PEG3: variants seen among roughly 807,000 people sequenced by gnomAD.
PEG3 encodes the protein paternally-expressed gene 3 protein.
In PEG3, 23 loss-of-function variants were observed where a neutral mutation model predicts 35.5. The ratio of observed to expected loss-of-function variants is 0.65; its 90% CI spans 0.47 to 0.92. The LOEUF is 0.92. Ranked by LOEUF, PEG3 falls within the 40% of genes least tolerant of loss-of-function variation. The pLI is 0.00. For missense variants in PEG3, 1,960 were observed against 1,985.3 expected (o/e 0.99, Z 0.24); for synonymous variants, 707 against 697.0 (o/e 1.01, Z -0.23).
intron 8 of PEG3, 100 bp downstream of exon 8, chr19:56,818,500 A>C: frequency 8.0e-7 from 1 of 1,247,734 alleles, no homozygotes; most frequent in South Asian, 1.4e-5. Flanking sequence ...TGAAGTCCAA[A>C]TATATTAATG....
chr19:56,822,954 T>C, intron 5 of PEG3, 118 bp from the exon 6 acceptor site: 1 of 1,360,740 alleles, frequency 7.3e-7, no homozygotes, highest in Non-Finnish European at 1.0e-6. Context: ...AGGAGATGGA[T>C]CCAAAACAGA....
intron 2 of PEG3, chr19:56,833,745 T>A (rs970754375): frequency 1.3e-5 from 2 of 155,082 alleles, no homozygotes; most frequent in African/African-American, 4.8e-5. Context: ...CTCTAAGGTA[T>A]CCAGTCTGGT....
chr19:56,813,401 C>T lies in PEG3; in HGVS notation c.*274G>A, dbSNP rs1294824563. On this transcript the variant is annotated 3_prime_UTR_variant, in exon 10 of 10. Coordinates refer to ENST00000326441, the MANE Select transcript of PEG3 (RefSeq NM_006210.3). ...TGGGCAAACTCTGTAGTCTGGAATACTCATAGGGTTTTCTCAATCTGATTA... is the reference window on the plus strand; with the variant it reads ...TGGGCAAACTCTGTAGTCTGGAATATTCATAGGGTTTTCTCAATCTGATTA... 7 of 1,251,306 alleles carry T rather than the reference C, an allele frequency of 5.6e-6. No homozygotes were observed. In the Admixed American group the frequency reaches 2.2e-4, roughly 40 times the overall value. 77.5% of individuals were successfully genotyped at this position (1,251,306 alleles called of 1,614,324 possible). A position where few individuals can be genotyped will look rare whatever the true frequency, so the allele number is the denominator to read the frequency against.
chr19:56,810,434 A>G lies in PEG3; in HGVS notation c.*3241T>C, dbSNP rs2146062526. 1.0e-6 allele frequency: 1 copy of G among 983,948 alleles called. No homozygotes were observed. Among genetic ancestry groups the G allele is most frequent in the South Asian group, 4.7e-5 (1 of 21,262 alleles). The allele number at this position is 983,948 out of a possible 1,614,324, so 61.0% of individuals were successfully genotyped here. On this transcript the variant is annotated 3_prime_UTR_variant, in exon 10 of 10. Coordinates refer to ENST00000326441, the MANE Select transcript of PEG3 (RefSeq NM_006210.3). Reference sequence around the variant, plus strand: ...ATCTTTCTTCCCATCTTTGACATTTATGCATACTTATCACTAACACCCTAA... The same window carrying G: ...ATCTTTCTTCCCATCTTTGACATTTGTGCATACTTATCACTAACACCCTAA...
At position 56,812,631 on chromosome 19, in the gene PEG3, G is replaced by A; in HGVS notation, c.*1044C>T. The A allele has an allele frequency of 1.0e-6, 1 of 985,770 alleles. No individual in the cohort carries two copies. The allele number at this position is 985,770 out of a possible 1,614,324, so 61.1% of individuals were successfully genotyped here. A position where few individuals can be genotyped will look rare whatever the true frequency, so the allele number is the denominator to read the frequency against. On this transcript the variant is annotated 3_prime_UTR_variant, in exon 10 of 10. Transcript: ENST00000326441. ...GCAGGAAGCGCACAAAGGAAGTGATGAAAGGTTATTAGCCTGCAACATTAT... is the reference window on the plus strand; with the variant it reads ...GCAGGAAGCGCACAAAGGAAGTGATAAAAGGTTATTAGCCTGCAACATTAT...
chr19:56,837,281 G>A (rs2146675850), intron 1 of PEG3, among the ~76,000 whole-genome samples: 1 of 152,118 alleles, frequency 6.6e-6, no homozygotes, highest in Admixed American at 6.5e-5. Context: ...GCCCAGGGCA[G>A]CCTCCTAGTT....
chr19:56,817,913 C>T (rs2060128746), intron 8 of PEG3, 78 bp from the exon 9 acceptor site: 2 of 1,172,378 alleles, frequency 1.7e-6, no homozygotes, highest in Admixed American at 3.9e-5. Flanking sequence ...TGATCTTCAT[C>T]TTTCACTGAG....
At chr19:56,836,240 CCAT>C (rs1177868936) in intron 1 of PEG3, 136 bp from the exon 2 acceptor site, 4 of 360,718 alleles carry the variant, frequency 1.1e-5, no homozygotes, top group Non-Finnish European at 2.2e-5. Flanking sequence ...GAAAAGCATC[CCAT>C]CCAGGATGAA....
rs1600968101 is a variant in PEG3, at chr19:56,817,836, C to T, written c.773-1G>A. The T allele has an allele frequency of 1.9e-6, 3 of 1,613,494 alleles. No homozygotes were observed. Among genetic ancestry groups the T allele is most frequent in the Non-Finnish European group, 2.5e-6 (3 of 1,179,598 alleles). ...TGGCCATCGTCTTCAGCAAGCTGCACTCCTGGTCACAAGGACAATATGATG... is the reference window on the plus strand; with the variant it reads ...TGGCCATCGTCTTCAGCAAGCTGCATTCCTGGTCACAAGGACAATATGATG... On this transcript the variant is annotated splice_acceptor_variant, in intron 8 of 9. Coordinates refer to ENST00000326441, the MANE Select transcript of PEG3 (RefSeq NM_006210.3). LOFTEE classifies it high-confidence loss of function.
At chr19:56,832,508 T>C (rs1601220243) in intron 2 of PEG3, among the ~76,000 whole-genome samples, 1 of 152,340 alleles carries the variant, frequency 6.6e-6, no homozygotes, top group South Asian at 2.1e-4. Flanking sequence ...GGCTTGAAGG[T>C]GGGCTCCCAC....
intron 2 of PEG3, among the ~76,000 whole-genome samples, chr19:56,835,149 T>C (rs1329705892): frequency 6.6e-6 from 1 of 152,086 alleles, no homozygotes; most frequent in Non-Finnish European, 1.5e-5. Flanking sequence ...CAGGCCCAAG[T>C]TGGTCTCCCC....
At position 56,811,441 on chromosome 19, in the gene PEG3, A is replaced by G; in HGVS notation, c.*2234T>C. The G allele has an allele frequency of 5.3e-6, 5 of 934,660 alleles. No homozygotes were observed. Among genetic ancestry groups the G allele is most frequent in the Non-Finnish European group, 6.4e-6 (5 of 783,692 alleles). 57.9% of individuals were successfully genotyped at this position (934,660 alleles called of 1,614,324 possible). A position where few individuals can be genotyped will look rare whatever the true frequency, so the allele number is the denominator to read the frequency against. The stretch of plus-strand genomic sequence containing the variant: ...TGTAAATATATTTCCACGTTGCTAC[A>G]TAACTCGTGATTATCATTTTTAAAC... On this transcript the variant is annotated 3_prime_UTR_variant, in exon 10 of 10. Coordinates refer to ENST00000326441, the MANE Select transcript of PEG3 (RefSeq NM_006210.3).
intron 1 of PEG3, among the ~76,000 whole-genome samples, chr19:56,839,316 TAC>T (rs962810806): frequency 7.7e-5 from 10 of 129,706 alleles, no homozygotes; most frequent in East Asian, 7.3e-4. Context: ...TATCCAATGC[TAC>T]ACAGTCACTT....
chr19:56,820,094 T>C (rs2060336011), intron 7 of PEG3, among the ~76,000 whole-genome samples: 1 of 152,216 alleles, frequency 6.6e-6, no homozygotes, highest in African/African-American at 2.4e-5. Flanking sequence ...AGCCCTAAAT[T>C]GGTTGTTCGC....
Position 56,814,040 on chromosome 19 carries a change from G to T in PEG3, c.4402C>A (p.Pro1468Thr). 1 of 1,614,032 alleles carries T rather than the reference G, an allele frequency of 6.2e-7. No individual in the cohort carries two copies. The highest frequency in any genetic ancestry group is 2.2e-5 in the East Asian group (1 of 44,864). ...IEDPEERAEE[P>T]EGKAEEPEGD... Reference sequence around the variant, plus strand: ...TCTGGCTCTTCAGCTTTTCCCTCTGGCTCTTCAGCTCTTTCTTCTGGGTCT... The same window carrying T: ...TCTGGCTCTTCAGCTTTTCCCTCTGTCTCTTCAGCTCTTTCTTCTGGGTCT... Residue 1468 changes from proline to threonine, a missense_variant, in exon 10 of 10, where the codon CCA (proline) becomes ACA (threonine). Coordinates refer to ENST00000326441, the MANE Select transcript of PEG3 (RefSeq NM_006210.3). This position sits in a 1 kb window ranked among gnomAD's most constrained non-coding sequence, Gnocchi z 5.8.
Position 56,834,101 on chromosome 19 carries a change from C to T in PEG3, c.-163+1917G>A, listed in dbSNP as rs1279709007. 3.9e-5 allele frequency among the ~76,000 whole-genome samples: 6 copies of T among 152,168 alleles called. No homozygotes were observed. In the South Asian group the frequency reaches 1.0e-3, roughly 26 times the overall value. On this transcript the variant is annotated intron_variant, in intron 2 of 9. Transcript: ENST00000326441. ...AAGCTACTTTAAAGAGACAAAATGTCTTCCAGAACAGTATGAGTTATTTGA... is the reference window on the plus strand; with the variant it reads ...AAGCTACTTTAAAGAGACAAAATGTTTTCCAGAACAGTATGAGTTATTTGA...
Position 56,816,310 on chromosome 19 carries a change from T to C in PEG3, c.2132A>G (p.Asn711Ser). 6.2e-7 allele frequency: 1 copy of C among 1,614,070 alleles called. No homozygotes were observed. Among genetic ancestry groups the C allele is most frequent in the East Asian group, 2.2e-5 (1 of 44,874 alleles). The change falls in exon 10 of 10, where the codon AAC becomes AGC. Residue 711 changes from asparagine to serine, a missense_variant. Around this residue, in one of 5 missense-constraint regions of PEG3, gnomAD observed 798 missense variants for 782.4 expected, o/e 1.02. Transcript: ENST00000326441. ...SEHQKIHSRK[N>S]LFEGRGYEKS... ...CTCATACCCTCTGCCTTCAAAGAGG[T>C]TCTTTCGAGAATGAATTTTCTGATG... is the stretch of plus-strand genomic sequence containing the variant.
Position 56,814,697 on chromosome 19 carries a change from C to T in PEG3, c.3745G>A (p.Glu1249Lys). ...ALNEHMRLHR[E>K]DDLLEQSQMA... ...TGGCTCTGCTCCAGTAAATCATCTTCCCTATGAAGTCTCATATGCTCATTA... is the reference window on the plus strand; with the variant it reads ...TGGCTCTGCTCCAGTAAATCATCTTTCCTATGAAGTCTCATATGCTCATTA... Residue 1249 changes from glutamate (E) to lysine (K), a missense_variant, in exon 10 of 10, where the codon GAA (glutamate) becomes AAA (lysine). Around this residue, in one of 5 missense-constraint regions of PEG3, gnomAD observed 416 missense variants for 416.7 expected, o/e 1.00. Coordinates refer to ENST00000326441, the MANE Select transcript of PEG3 (RefSeq NM_006210.3). This position sits in a 1 kb window ranked among gnomAD's most constrained non-coding sequence, Gnocchi z 5.8. 14 of 1,614,014 alleles carry T rather than the reference C, an allele frequency of 8.7e-6. No individual in the cohort carries two copies. Among genetic ancestry groups the T allele is most frequent in the Non-Finnish European group, 1.1e-5 (13 of 1,179,972 alleles).
chr19:56,822,916 T>A, intron 5 of PEG3, 80 bp from the exon 6 acceptor site: 6 of 1,528,650 alleles, frequency 3.9e-6, no homozygotes, highest in Non-Finnish European at 5.3e-6. Flanking sequence ...AACACCCCTC[T>A]GGAAAGAGAT....
Sources: allele counts gnomAD v4.1 joint callset (sites outside exome capture counted in the v4.1 genomes callset), GRCh38; gene constraint gnomAD v4.1.1; regional missense constraint gnomAD v4.1.1; non-coding constraint Gnocchi (gnomAD v3.1); transcripts MANE v1.5; gene names NCBI Gene and HGNC (gene_info 2026-07-23, HGNC 2026-07-21).